The following CEP170 variants were observed in gnomAD, a reference collection of about 807,000 sequenced individuals.
The protein encoded by CEP170 is centrosomal protein of 170 kDa.
CEP170 carries 21 observed loss-of-function variants against 151.9 expected under a neutral mutation model. The observed-to-expected ratio is 0.14, with a 90% CI of 0.10 to 0.20. CEP170 has a LOEUF of 0.20. Among genes scored for constraint, CEP170 ranks in the 10% least tolerant of loss-of-function variants. CEP170 has a pLI of 1.00. For synonymous variants in CEP170, 356 were observed against 648.8 expected, an observed-to-expected ratio of 0.55 and a Z score of 6.86; for missense variants, 964 against 1,892.9, an observed-to-expected ratio of 0.51 and a Z score of 9.11.
intron 8 of CEP170, among the ~76,000 whole-genome samples, chr1:243,186,689 AATAG>A: frequency 6.6e-6 from 1 of 152,252 alleles, no homozygotes; most frequent in Non-Finnish European, 1.5e-5. Context: ...TCAATGTCTT[AATAG>A]ATAATTGATG....
At chr1:243,249,110 T>C (rs968879328) in intron 1 of CEP170, among the ~76,000 whole-genome samples, 2 of 152,184 alleles carry the variant, frequency 1.3e-5, no homozygotes, top group African/African-American at 4.8e-5. Context: ...ACAAAATATG[T>C]ATTTATATTT....
chr1:243,223,364 T>C (rs994750101), intron 2 of CEP170, among the ~76,000 whole-genome samples: 1 of 152,174 alleles, frequency 6.6e-6, no homozygotes, highest in African/African-American at 2.4e-5. Context: ...CCATTAGATA[T>C]AGGACTAAAG....
At chr1:243,208,372 A>C (rs1038637723) in intron 4 of CEP170, among the ~76,000 whole-genome samples, 1 of 152,162 alleles carries the variant, frequency 6.6e-6, no homozygotes, top group South Asian at 2.1e-4. Context: ...ATTAAAAAAA[A>C]ACAAAAACAA....
chr1:243,169,306 T>C, intron 12 of CEP170: 1 of 228,384 alleles, frequency 4.4e-6, no homozygotes, highest in South Asian at 6.5e-5. Context: ...CCTTAGGAAG[T>C]CTCAACTTAC....
intron 1 of CEP170, among the ~76,000 whole-genome samples, chr1:243,247,165 T>C (rs1487707375): frequency 2.0e-5 from 3 of 152,154 alleles, no homozygotes; most frequent in African/African-American, 4.8e-5. Context: ...CATTACTCAG[T>C]TGAACACTTT....
intron 3 of CEP170, among the ~76,000 whole-genome samples, chr1:243,212,818 A>G (rs1417248236): frequency 6.6e-6 from 1 of 152,048 alleles, no homozygotes; most frequent in East Asian, 1.9e-4. Context: ...GCATGCTACC[A>G]TGCCCAGCTA....
intron 7 of CEP170, among the ~76,000 whole-genome samples, chr1:243,198,776 T>C (rs1375940073): frequency 2.0e-5 from 3 of 152,028 alleles, no homozygotes; most frequent in Non-Finnish European, 2.9e-5. Context: ...TGCCTAGTTA[T>C]ATCATTAATC....
intron 3 of CEP170, among the ~76,000 whole-genome samples, chr1:243,212,726 C>T (rs1011611189): frequency 1.3e-5 from 2 of 151,740 alleles, no homozygotes; most frequent in Non-Finnish European, 2.9e-5. Flanking sequence ...CGCGGTGGTG[C>T]GATCATGGTG....
At chr1:243,226,193 AT>A (rs1558646691) in intron 1 of CEP170, among the ~76,000 whole-genome samples, 88 of 24,832 alleles carry the variant, frequency 3.5e-3, no homozygotes, top group African/African-American at 8.3e-3. Flanking sequence ...AGATATATAT[AT>A]CTAGATATAT....
Position 243,125,615 on chromosome 1 carries a change from T to C in CEP170, c.*834A>G, listed in dbSNP as rs2053635192. On this transcript the variant is annotated 3_prime_UTR_variant, in exon 20 of 20. Transcript: ENST00000366542. ...ATCTGTCTAGTTTAATCTTTCTAGT[T>C]ATCATTTAACCTAAAATGAGAGACC... 1 of 155,286 alleles carries C rather than the reference T, an allele frequency of 6.4e-6. No individual in the cohort carries two copies. Among genetic ancestry groups the C allele is most frequent in the African/African-American group, 2.4e-5 (1 of 41,286 alleles). 9.6% of individuals were successfully genotyped at this position (155,286 alleles called of 1,614,324 possible).
chr1:243,175,095 C>T (rs1219327257), intron 10 of CEP170: 1 of 152,106 alleles, frequency 6.6e-6, no homozygotes, highest in East Asian at 1.9e-4. Flanking sequence ...TCATTCTAAT[C>T]CACACTAAAA....
intron 4 of CEP170, among the ~76,000 whole-genome samples, chr1:243,204,057 A>AT (rs2061246047): frequency 6.6e-6 from 1 of 152,058 alleles, no homozygotes; most frequent in Non-Finnish European, 1.5e-5. Flanking sequence ...CTATCACTTC[A>AT]TTTTTTCATC....
In CEP170 at chr1:243,197,565, C is replaced by T. The variant is rs1028889853; in HGVS notation, c.631+1495G>A. On this transcript the variant is annotated intron_variant, in intron 7 of 19. Coordinates refer to ENST00000366542, the MANE Select transcript of CEP170 (RefSeq NM_014812.3). ...ATTCTGGAAGGTCTTCCGGAAGTAA[C>T]GTTTTCGCTTTCCTGTTGGATGTGA... 3.3e-5 allele frequency among the ~76,000 whole-genome samples: 5 copies of T among 151,946 alleles called. 1 individual carries two copies. Among genetic ancestry groups the T allele is most frequent in the African/African-American group, 1.2e-4 (5 of 41,340 alleles).
At chr1:243,157,389 AG>A (rs944350455) in intron 13 of CEP170, among the ~76,000 whole-genome samples, 2 of 146,410 alleles carry the variant, frequency 1.4e-5, no homozygotes, top group Non-Finnish European at 1.5e-5. Flanking sequence ...AGAGGTAAAA[AG>A]AGAGATAATG....
intron 6 of CEP170, among the ~76,000 whole-genome samples, chr1:243,199,654 CAT>C (rs1027011352): frequency 6.6e-6 from 1 of 152,034 alleles, no homozygotes; most frequent in African/African-American, 2.4e-5. Flanking sequence ...TAAATTTTCA[CAT>C]GAGTAGCTAT....
intron 18 of CEP170, chr1:243,128,515 T>G: frequency 2.0e-6 from 1 of 511,798 alleles, no homozygotes; most frequent in Non-Finnish European, 3.3e-6. Flanking sequence ...AATAACTTTT[T>G]CAGTGAGATG....
chr1:243,132,232 G>A (rs2054508782), intron 17 of CEP170, among the ~76,000 whole-genome samples: 4 of 152,164 alleles, frequency 2.6e-5, no homozygotes, highest in Admixed American at 2.6e-4. Context: ...GAAGGCCCAG[G>A]TCTCTACCCC....
chr1:243,147,658 G>C (rs1167146929), intron 14 of CEP170, among the ~76,000 whole-genome samples: 1 of 152,134 alleles, frequency 6.6e-6, no homozygotes, highest in Non-Finnish European at 1.5e-5. Flanking sequence ...TTCATTACTG[G>C]ATGACTGTAT....
At chr1:243,219,761 T>C (rs893952035) in intron 3 of CEP170, among the ~76,000 whole-genome samples, 1 of 152,242 alleles carries the variant, frequency 6.6e-6, no homozygotes, top group Non-Finnish European at 1.5e-5. Flanking sequence ...TTTTTCACTA[T>C]AAATTCTTCA....
Sources: gnomAD v4.1 joint callset for allele counts (sites outside exome capture counted in the v4.1 genomes callset) on GRCh38, gnomAD v4.1.1 for gene constraint, MANE v1.5 for transcripts, NCBI Gene and HGNC (gene_info 2026-07-23, HGNC 2026-07-21) for gene names.